The following DGKB variants were observed in gnomAD, a reference collection of about 807,000 sequenced individuals.
DGKB encodes the protein diacylglycerol kinase beta, also known as 90 kDa diacylglycerol kinase.
In DGKB, 67 loss-of-function variants were observed where a neutral mutation model predicts 114.3. That is an observed-to-expected ratio of 0.59 (90% CI 0.48 to 0.72). The LOEUF is 0.72. DGKB is among the 30% of genes least tolerant of loss of function. DGKB has a pLI of 0.00. For synonymous variants in DGKB, 398 were observed against 323.1 expected (o/e 1.23, Z -2.49); for missense variants, 907 against 975.2 (o/e 0.93, Z 0.93).
chr7:14,475,962 C>T (rs1353792390), intron 21 of DGKB, among the ~76,000 whole-genome samples: 1 of 152,020 alleles, frequency 6.6e-6, no homozygotes, highest in Non-Finnish European at 1.5e-5. Flanking sequence ...GGCATTCTTA[C>T]ACATAGGTTG....
At chr7:14,515,518 T>C (rs1162040265) in intron 20 of DGKB, among the ~76,000 whole-genome samples, 2 of 152,210 alleles carry the variant, frequency 1.3e-5, no homozygotes, top group South Asian at 2.1e-4. Flanking sequence ...AACTACGTTT[T>C]CATTTGCCTA....
intron 2 of DGKB, among the ~76,000 whole-genome samples, chr7:14,829,514 C>T (rs962548277): frequency 2.6e-5 from 4 of 152,074 alleles, no homozygotes; most frequent in East Asian, 3.9e-4. Context: ...TCATGTTTTG[C>T]GAAATGTAGA....
intron 23 of DGKB, among the ~76,000 whole-genome samples, chr7:14,301,529 G>A (rs1169823002): frequency 2.0e-5 from 3 of 152,048 alleles, no homozygotes; most frequent in South Asian, 2.1e-4. Context: ...ATCCTCATAA[G>A]AGCAGTCAGT....
At chr7:14,862,674 G>C (rs905978325) in intron 1 of DGKB, among the ~76,000 whole-genome samples, 1 of 151,802 alleles carries the variant, frequency 6.6e-6, no homozygotes, top group South Asian at 2.1e-4. Context: ...CCTTATATAC[G>C]GACTAAATGT....
chr7:14,686,968 A>G (rs1052148522), intron 9 of DGKB, among the ~76,000 whole-genome samples: 25 of 152,210 alleles, frequency 1.6e-4, no homozygotes, highest in Non-Finnish European at 3.4e-4. Context: ...TTTGCTTACT[A>G]TACTTACAGT....
At chr7:14,544,571 C>T (rs1466459374) in intron 20 of DGKB, among the ~76,000 whole-genome samples, 1 of 152,076 alleles carries the variant, frequency 6.6e-6, no homozygotes, top group Non-Finnish European at 1.5e-5. Context: ...TTTATTCTCA[C>T]AGGGTTTCTA....
At chr7:14,287,368 G>A (rs1028678278) in intron 23 of DGKB, among the ~76,000 whole-genome samples, 2 of 152,052 alleles carry the variant, frequency 1.3e-5, no homozygotes, top group Non-Finnish European at 2.9e-5. Flanking sequence ...TTATCTCAAT[G>A]AAATCGGGTT....
chr7:14,818,858 A>C (rs1844519833), intron 2 of DGKB, among the ~76,000 whole-genome samples: 1 of 152,168 alleles, frequency 6.6e-6, no homozygotes, highest in Non-Finnish European at 1.5e-5. Context: ...GGAGAGAAAA[A>C]ACGATAGAGA....
At chr7:14,652,747 C>A (rs1814842000) in intron 13 of DGKB, among the ~76,000 whole-genome samples, 1 of 151,934 alleles carries the variant, frequency 6.6e-6, no homozygotes, top group African/African-American at 2.4e-5. Context: ...TCGCAATCTA[C>A]TCATCTGACA....
rs1020170414 is a variant in DGKB at position 14,708,903 on chromosome 7, G to A, written c.467-7173C>T. On this transcript the variant is annotated intron_variant, in intron 6 of 25. Transcript: ENST00000402815. Reference sequence around the variant, plus strand: ...GCTTTACCATTCGGGACATAGGCATGGGCAAGGACTTCATGTCCAAAACAC... The same window carrying A: ...GCTTTACCATTCGGGACATAGGCATAGGCAAGGACTTCATGTCCAAAACAC... 1.9e-4 allele frequency among the ~76,000 whole-genome samples: 28 copies of A among 151,156 alleles called. 3 individuals carry two copies. Among genetic ancestry groups the A allele is most frequent in the African/African-American group, 6.1e-4 (25 of 40,684 alleles).
At chr7:14,771,138 T>A (rs1461221301) in intron 2 of DGKB, among the ~76,000 whole-genome samples, 1 of 152,100 alleles carries the variant, frequency 6.6e-6, no homozygotes, top group African/African-American at 2.4e-5. Flanking sequence ...CTGGTTAAAG[T>A]AAATTTACTG....
intron 2 of DGKB, among the ~76,000 whole-genome samples, chr7:14,796,306 A>G (rs1207417772): frequency 2.0e-5 from 3 of 152,194 alleles, no homozygotes; most frequent in African/African-American, 7.2e-5. Flanking sequence ...AATTAACAGC[A>G]AAGACAGTAG....
intron 21 of DGKB, among the ~76,000 whole-genome samples, chr7:14,449,913 C>A (rs973785996): frequency 6.6e-6 from 1 of 152,050 alleles, no homozygotes; most frequent in African/African-American, 2.4e-5. Context: ...TTGAGTGACA[C>A]TATCTAATTA....
intron 20 of DGKB, among the ~76,000 whole-genome samples, chr7:14,565,014 G>A (rs542923244): frequency 9.4e-4 from 143 of 152,156 alleles, no homozygotes; most frequent in Non-Finnish European, 1.6e-3. Context: ...ATTCCTGAAT[G>A]TCCCCTTGCA....
intron 19 of DGKB, among the ~76,000 whole-genome samples, chr7:14,579,604 C>T (rs568108767): frequency 6.6e-6 from 1 of 152,148 alleles, no homozygotes; most frequent in African/African-American, 2.4e-5. Context: ...CTTTAGATTG[C>T]ATGAACTCTA....
Position 14,178,056 on chromosome 7 carries a change from C to A in DGKB, c.2218G>T (p.Ala740Ser). 1.2e-6 allele frequency: 2 copies of A among 1,600,350 alleles called. No homozygotes were observed. Among genetic ancestry groups the A allele is most frequent in the Non-Finnish European group, 1.7e-6 (2 of 1,175,060 alleles). ...TGLKSAGRRLAQCSCVVIRTS... is the reference protein window; with the variant it reads ...TGLKSAGRRLSQCSCVVIRTS... The stretch of plus-strand genomic sequence containing the variant: ...CTGATGACCACGCAGGAGCACTGAG[C>A]CAGCCGCCGGCCAGCACTTTTCAGG... Residue 740 changes from alanine to serine, a missense_variant, in exon 24 of 26, where the codon GCT becomes TCT. Around this residue, in one of 3 missense-constraint regions of DGKB, gnomAD observed 35 missense variants for 66.0 expected, o/e 0.53. Transcript: ENST00000402815.
rs181754311 is a variant in DGKB, at chr7:14,246,982, A to C, written c.2123-68831T>G. On this transcript the variant is annotated intron_variant, in intron 23 of 25. Transcript: ENST00000402815. Reference sequence around the variant, plus strand: ...TACCCTTTTTAAAACATAATATCCTAATTTCCCCAACTGCTAGTCACTGGC... The same window carrying C: ...TACCCTTTTTAAAACATAATATCCTCATTTCCCCAACTGCTAGTCACTGGC... 3.7e-3 allele frequency among the ~76,000 whole-genome samples: 563 copies of C among 152,212 alleles called. 3 individuals are homozygous for C. The highest frequency in any genetic ancestry group is 0.011 in the African/African-American group (459 of 41,550).
At chr7:14,940,834 C>CT (rs1327089443) in intron 1 of DGKB, among the ~76,000 whole-genome samples, 1 of 151,472 alleles carries the variant, frequency 6.6e-6, no homozygotes, top group Non-Finnish European at 1.5e-5. Flanking sequence ...CATTGACAAA[C>CT]TTTATTTCAG....
chr7:14,266,003 G>T lies in DGKB; in HGVS notation c.2122+72512C>A, dbSNP rs1006100070. ...TATTTTGTTTTTGAAGCATCCTCTTGCCCCTGCCCCAGACTAAGTCGGTAA... is the reference window on the plus strand; with the variant it reads ...TATTTTGTTTTTGAAGCATCCTCTTTCCCCTGCCCCAGACTAAGTCGGTAA... On this transcript the variant is annotated intron_variant, in intron 23 of 25. Transcript: ENST00000402815. Among the ~76,000 whole-genome samples the T allele has an allele frequency of 3.3e-5, 5 of 152,188 alleles. No homozygotes were observed. In the East Asian group the frequency reaches 7.8e-4, roughly 24 times the overall value.
Sources: allele counts gnomAD v4.1 joint callset (sites outside exome capture counted in the v4.1 genomes callset), GRCh38; gene constraint gnomAD v4.1.1; regional missense constraint gnomAD v4.1.1; transcripts MANE v1.5; gene names NCBI Gene and HGNC (gene_info 2026-07-23, HGNC 2026-07-21).